CTNNA2: variants seen among roughly 807,000 people sequenced by gnomAD.
CTNNA2 encodes catenin alpha-2.
CTNNA2 carries 42 observed loss-of-function variants against 101.0 expected under a neutral mutation model. The observed-to-expected ratio is 0.42, with a 90% CI of 0.32 to 0.54. The LOEUF (loss-of-function observed/expected upper bound fraction) is 0.54, where lower values mean the gene tolerates loss of function less well. CTNNA2 is among the 20% of genes least tolerant of loss of function. The pLI is 0.14. For synonymous variants in CTNNA2, 450 were observed against 456.4 expected (o/e 0.99, Z 0.18); for missense variants, 871 against 1,223.1 (o/e 0.71, Z 4.29).
chr2:80,396,613 T>C (rs1678036543), intron 8 of CTNNA2, among the ~76,000 whole-genome samples: 1 of 152,210 alleles, frequency 6.6e-6, no homozygotes, highest in African/African-American at 2.4e-5. Flanking sequence ...TGAACTATTC[T>C]AGGTATGATC....
intron 4 of CTNNA2, among the ~76,000 whole-genome samples, chr2:79,482,198 T>A (rs1671116216): frequency 6.6e-6 from 1 of 152,192 alleles, no homozygotes; most frequent in African/African-American, 2.4e-5. Context: ...TGGAAGGTCA[T>A]CAGGAATTTT....
chr2:79,668,584 A>G (rs143922786), intron 2 of CTNNA2, among the ~76,000 whole-genome samples: 140 of 152,308 alleles, frequency 9.2e-4, no homozygotes, highest in Non-Finnish European at 1.6e-3. Flanking sequence ...ATAGTATTCT[A>G]CTTACTTTTC....
At chr2:80,210,883 T>C (rs1380886726) in intron 7 of CTNNA2, among the ~76,000 whole-genome samples, 3 of 152,180 alleles carry the variant, frequency 2.0e-5, no homozygotes, top group Non-Finnish European at 1.5e-5. Flanking sequence ...TCCTGTTGTC[T>C]CCTGACTTTT....
intron 4 of CTNNA2, among the ~76,000 whole-genome samples, chr2:79,428,295 G>A (rs1382277698): frequency 6.6e-6 from 1 of 152,004 alleles, no homozygotes; most frequent in African/African-American, 2.4e-5. Flanking sequence ...GAAAGCAGCA[G>A]CAGTTAATTA....
intron 7 of CTNNA2, among the ~76,000 whole-genome samples, chr2:80,021,707 C>T (rs1393048210): frequency 6.7e-6 from 1 of 149,646 alleles, no homozygotes; most frequent in Non-Finnish European, 1.5e-5. Context: ...TTGCCTCACA[C>T]ACTTATCATT....
chr2:79,863,704 C>A (rs1681814425), intron 4 of CTNNA2, among the ~76,000 whole-genome samples: 1 of 152,190 alleles, frequency 6.6e-6, no homozygotes, highest in Admixed American at 6.5e-5. Context: ...GAAGCTGCTA[C>A]CCCTGGGGCT....
At chr2:79,474,444 AG>A (rs990694142) in intron 4 of CTNNA2, among the ~76,000 whole-genome samples, 14 of 152,220 alleles carry the variant, frequency 9.2e-5, no homozygotes, top group African/African-American at 3.4e-4. Flanking sequence ...CATTTTGGAA[AG>A]GCAAAGCATA....
chr2:79,839,897 T>C (rs1187668044), intron 3 of CTNNA2, among the ~76,000 whole-genome samples: 1 of 152,216 alleles, frequency 6.6e-6, no homozygotes, highest in Non-Finnish European at 1.5e-5. Flanking sequence ...ACATCTGTAG[T>C]GCTTTCTTGA....
intron 1 of CTNNA2, among the ~76,000 whole-genome samples, chr2:79,555,788 C>T (rs765760339): frequency 6.6e-6 from 1 of 152,060 alleles, no homozygotes; most frequent in Non-Finnish European, 1.5e-5. Context: ...TACCCACTGA[C>T]CTTGACTAAA....
chr2:80,450,206 C>T (rs1314510871), intron 9 of CTNNA2, among the ~76,000 whole-genome samples: 2 of 152,128 alleles, frequency 1.3e-5, no homozygotes, highest in Non-Finnish European at 2.9e-5. Flanking sequence ...AAACATTTTT[C>T]ATAATTATAG....
intron 7 of CTNNA2, among the ~76,000 whole-genome samples, chr2:80,027,152 A>G (rs1694979149): frequency 6.6e-6 from 1 of 152,242 alleles, no homozygotes; most frequent in Non-Finnish European, 1.5e-5. Flanking sequence ...GTGGCCATGC[A>G]GTGCCGCTCT....
At chr2:79,926,007 G>C (rs72807329) in intron 7 of CTNNA2, among the ~76,000 whole-genome samples, 3,955 of 152,138 alleles carry the variant, frequency 0.026, 58 homozygotes, top group Non-Finnish European at 0.04. Flanking sequence ...GAGAAGCCCA[G>C]CTCTTTGCAG....
intron 7 of CTNNA2, among the ~76,000 whole-genome samples, chr2:80,250,181 GGGAGA>G (rs1671644920): frequency 8.8e-6 from 1 of 113,096 alleles, no homozygotes; most frequent in South Asian, 3.3e-4. Flanking sequence ...CATGGATGGG[GGGAGA>G]GAGAGAGAGA....
At chr2:79,804,246 G>T (rs1026324537) in intron 3 of CTNNA2, among the ~76,000 whole-genome samples, 1 of 151,764 alleles carries the variant, frequency 6.6e-6, no homozygotes, top group African/African-American at 2.4e-5. Flanking sequence ...TTCATATATT[G>T]CCAATATTTA....
At chr2:80,271,058 C>A (rs975960584) in intron 7 of CTNNA2, among the ~76,000 whole-genome samples, 1 of 152,108 alleles carries the variant, frequency 6.6e-6, no homozygotes, top group African/African-American at 2.4e-5. Flanking sequence ...AATCCCAATC[C>A]TGTAATGTGA....
intron 7 of CTNNA2, among the ~76,000 whole-genome samples, chr2:79,928,019 G>A (rs528073313): frequency 2.6e-5 from 4 of 152,248 alleles, no homozygotes; most frequent in East Asian, 1.9e-4. Flanking sequence ...TGGGAAAAAG[G>A]TTGGCCTTAT....
In CTNNA2 at chr2:79,744,613, G is replaced by T. The variant is rs771412365; in HGVS notation, c.298+31G>T. ...CAGAATGATATTATTGTTCAAGGCG[G>T]ATCTATACTGATGTGCAAACAATGG... On this transcript the variant is annotated intron_variant, in intron 3 of 18. Transcript: ENST00000402739. 1.0e-5 allele frequency: 16 copies of T among 1,584,652 alleles called. No individual in the cohort carries two copies. In the Admixed American group the frequency reaches 2.6e-4, roughly 26 times the overall value.
At chr2:79,422,305 G>C (rs2104502989) in intron 4 of CTNNA2, among the ~76,000 whole-genome samples, 2 of 152,092 alleles carry the variant, frequency 1.3e-5, no homozygotes, top group Admixed American at 1.3e-4. Context: ...CTAAACCAGG[G>C]GGAGTTTTGC....
In CTNNA2 at chr2:79,768,999, T is replaced by C. The variant is rs566638038; in HGVS notation, c.298+24417T>C. On this transcript the variant is annotated intron_variant, in intron 3 of 18. Transcript: ENST00000402739. ...CCTCCTGAGTAGCTGGGACTATAGG[T>C]GCCCGCCACCACGCCTGGCTAATTT... 3.0e-3 allele frequency among the ~76,000 whole-genome samples: 449 copies of C among 152,084 alleles called. 1 individual carries two copies. Among genetic ancestry groups the C allele is most frequent in the African/African-American group, 1.0e-2 (413 of 41,492 alleles).
Sources: allele counts gnomAD v4.1 joint callset (sites outside exome capture counted in the v4.1 genomes callset), GRCh38; gene constraint gnomAD v4.1.1; transcripts MANE v1.5; gene names NCBI Gene and HGNC (gene_info 2026-07-23, HGNC 2026-07-21).